The following SHISA9 variants were observed in gnomAD, a reference collection of about 807,000 sequenced individuals.
SHISA9 encodes the protein protein shisa-9.
SHISA9 carries 13 observed loss-of-function variants against 38.0 expected under a neutral mutation model. That is an observed-to-expected ratio of 0.34 (90% CI 0.22 to 0.54). SHISA9 has a LOEUF of 0.54. Ranked by LOEUF, SHISA9 falls within the 20% of genes least tolerant of loss-of-function variation. The probability of loss-of-function intolerance (pLI) is 0.91; values close to 1 mark genes in which losing one functional copy is unlikely to be tolerated. For missense variants in SHISA9, 538 were observed against 575.8 expected, an observed-to-expected ratio of 0.93 and a Z score of 0.67; for synonymous variants, 275 against 242.0, an observed-to-expected ratio of 1.14 and a Z score of -1.27.
intron 2 of SHISA9, among the ~76,000 whole-genome samples, chr16:13,002,815 G>A (rs539955835): frequency 1.3e-5 from 2 of 152,168 alleles, no homozygotes; most frequent in Non-Finnish European, 2.9e-5. Context: ...TTACAGGCAT[G>A]AGCCACTGTG....
chr16:13,330,719 C>G, the SHISA9 span, among the ~76,000 whole-genome samples: 2 of 152,140 alleles, frequency 1.3e-5, no homozygotes, highest in South Asian at 2.1e-4. Context: ...TTTAAGCAAC[C>G]CTTGTTGTGG....
At chr16:13,382,052 A>G in the SHISA9 span, among the ~76,000 whole-genome samples, 8 of 152,122 alleles carry the variant, frequency 5.3e-5, no homozygotes, top group Non-Finnish European at 7.3e-5. Context: ...TTAAAGTTTG[A>G]TAATATAATC....
chr16:13,009,984 C>T (rs1052219945), intron 2 of SHISA9, among the ~76,000 whole-genome samples: 2 of 151,860 alleles, frequency 1.3e-5, no homozygotes, highest in Non-Finnish European at 2.9e-5. Context: ...TGACACCAGC[C>T]TGGATAATAT....
intron 2 of SHISA9, among the ~76,000 whole-genome samples, chr16:13,148,260 C>T (rs1347820737): frequency 6.6e-6 from 1 of 152,084 alleles, no homozygotes; most frequent in African/African-American, 2.4e-5. Context: ...CACATATTCC[C>T]CACGCTCCGT....
downstream of SHISA9, among the ~76,000 whole-genome samples, chr16:13,243,196 C>T (rs577085117): frequency 1.3e-5 from 2 of 151,560 alleles, no homozygotes; most frequent in Non-Finnish European, 2.9e-5. Flanking sequence ...GCCGAGATCG[C>T]GCCACTGCAC....
chr16:13,453,127 A>G, the SHISA9 span, among the ~76,000 whole-genome samples: 1 of 151,920 alleles, frequency 6.6e-6, no homozygotes, highest in Non-Finnish European at 1.5e-5. Context: ...TGACCTTGTG[A>G]TCTGCCTGCC....
At chr16:13,435,106 T>C in the SHISA9 span, among the ~76,000 whole-genome samples, 1 of 152,248 alleles carries the variant, frequency 6.6e-6, no homozygotes, top group Non-Finnish European at 1.5e-5. Flanking sequence ...ATTATGTTAA[T>C]TAAGGAAAAC....
At chr16:13,325,867 G>A in the SHISA9 span, among the ~76,000 whole-genome samples, 1 of 151,578 alleles carries the variant, frequency 6.6e-6, no homozygotes, top group Non-Finnish European at 1.5e-5. Flanking sequence ...CATGGACACA[G>A]GGAGGGGAAC....
the SHISA9 span, among the ~76,000 whole-genome samples, chr16:13,462,948 G>A: frequency 7.3e-5 from 11 of 151,256 alleles, no homozygotes; most frequent in Middle Eastern, 0.01. Context: ...AGCGACAGAG[G>A]GAGACTCCAT....
chr16:13,392,697 G>A, the SHISA9 span, among the ~76,000 whole-genome samples: 1 of 152,224 alleles, frequency 6.6e-6, no homozygotes, highest in South Asian at 2.1e-4. Context: ...ATTTGCTGTG[G>A]AGGCTGCGAT....
At chr16:13,108,965 CCAGGGGTGTGA>C (rs1244204160) in intron 2 of SHISA9, among the ~76,000 whole-genome samples, 1 of 152,108 alleles carries the variant, frequency 6.6e-6, no homozygotes, top group African/African-American at 2.4e-5. Context: ...ATTGTTTTCT[CCAGGGGTGTGA>C]CAGGTATATG....
intron 2 of SHISA9, among the ~76,000 whole-genome samples, chr16:12,997,183 G>A (rs2072467705): frequency 6.6e-6 from 1 of 151,900 alleles, no homozygotes. Flanking sequence ...TTCTTTCACA[G>A]TAGTTTTGCA....
intron 2 of SHISA9, among the ~76,000 whole-genome samples, chr16:13,052,531 C>T (rs921937335): frequency 2.0e-5 from 3 of 152,108 alleles, no homozygotes; most frequent in Non-Finnish European, 4.4e-5. Context: ...TAAAGGCTGC[C>T]AATTACACTG....
At chr16:13,194,047 G>A (rs1488234138) in intron 2 of SHISA9, among the ~76,000 whole-genome samples, 2 of 151,988 alleles carry the variant, frequency 1.3e-5, no homozygotes, top group African/African-American at 2.4e-5. Flanking sequence ...AGGGAAAGTC[G>A]GTGACATGAT....
At chr16:13,071,587 T>C (rs1049711771) in intron 2 of SHISA9, among the ~76,000 whole-genome samples, 24 of 142,756 alleles carry the variant, frequency 1.7e-4, no homozygotes, top group Admixed American at 8.6e-4. Flanking sequence ...CTCCCTTCCT[T>C]CCTTCCTTCC....
At chr16:13,440,866 G>C in the SHISA9 span, among the ~76,000 whole-genome samples, 1 of 151,648 alleles carries the variant, frequency 6.6e-6, no homozygotes, top group South Asian at 2.1e-4. Context: ...AGATTGCAGT[G>C]AGCTGAGATC....
At chr16:13,498,125 A>G in the SHISA9 span, among the ~76,000 whole-genome samples, 12 of 152,192 alleles carry the variant, frequency 7.9e-5, no homozygotes, top group Admixed American at 2.6e-4. Context: ...TCCATGGGAA[A>G]ATATTAACAT....
At chr16:13,248,588 C>T in the SHISA9 span, among the ~76,000 whole-genome samples, 2 of 152,148 alleles carry the variant, frequency 1.3e-5, no homozygotes, top group African/African-American at 4.8e-5. Flanking sequence ...GTCATACCAA[C>T]CTTGTCGTGT....
the SHISA9 span, among the ~76,000 whole-genome samples, chr16:13,401,107 T>C: frequency 6.6e-6 from 1 of 152,344 alleles, no homozygotes. Context: ...GAGAGTGAGA[T>C]GACCATCCCA....
Sources: allele counts gnomAD v4.1 joint callset (sites outside exome capture counted in the v4.1 genomes callset), GRCh38; gene constraint gnomAD v4.1.1; transcripts MANE v1.5; gene names NCBI Gene and HGNC (gene_info 2026-07-23, HGNC 2026-07-21).